LAMA1: variants seen among roughly 807,000 people sequenced by gnomAD.
The protein encoded by LAMA1 is laminin subunit alpha-1.
Under a neutral mutation model 348.7 loss-of-function variants are expected in LAMA1, and 219 were observed. That is an observed-to-expected ratio of 0.63 (90% CI 0.56 to 0.70). The LOEUF (loss-of-function observed/expected upper bound fraction) is 0.70, where lower values mean the gene tolerates loss of function less well. Ranked by LOEUF, LAMA1 falls within the 30% of genes least tolerant of loss-of-function variation. LAMA1 has a pLI of 0.00. For missense variants in LAMA1, 3,744 were observed against 3,888.0 expected, an observed-to-expected ratio of 0.96 and a Z score of 0.99; for synonymous variants, 1,487 against 1,491.0, an observed-to-expected ratio of 1.00 and a Z score of 0.06.
chr18:6,964,407 T>C (rs1004064961), intron 51 of LAMA1, among the ~76,000 whole-genome samples: 3 of 152,018 alleles, frequency 2.0e-5, no homozygotes, highest in African/African-American at 7.3e-5. Context: ...AAAGGGGAAA[T>C]GTGGACACAG....
Position 7,024,008 on chromosome 18 carries a change from GT to G in LAMA1, c.2489+371del, listed in dbSNP as rs1251903776. Among the ~76,000 whole-genome samples, 1,094 of 148,154 alleles carry G rather than the reference GT, an allele frequency of 7.4e-3. 11 individuals are homozygous for G. Among genetic ancestry groups the G allele is most frequent in the African/African-American group, 0.025 (995 of 40,496 alleles). Reference sequence around the variant, plus strand: ...CACCCGCCGTCATGCCCGGCCTTTTGTTTTTTTTTTCTTTTTGTAGAGACAG... The same window carrying G: ...CACCCGCCGTCATGCCCGGCCTTTTGTTTTTTTTTCTTTTTGTAGAGACAG... On this transcript the variant is annotated intron_variant, in intron 18 of 62. Coordinates refer to ENST00000389658, the MANE Select transcript of LAMA1 (RefSeq NM_005559.4).
intron 11 of LAMA1, 110 bp from the exon 12 acceptor site, chr18:7,037,861 T>TA: frequency 8.9e-7 from 1 of 1,120,676 alleles, no homozygotes; most frequent in African/African-American, 1.5e-5. Context: ...AAAGCTTCTC[T>TA]AGGGATGGCA....
At chr18:6,950,456 C>T (rs551310897) in intron 58 of LAMA1, among the ~76,000 whole-genome samples, 33 of 152,274 alleles carry the variant, frequency 2.2e-4, no homozygotes, top group Admixed American at 1.6e-3. Flanking sequence ...TCCAGAGTTC[C>T]GGTTATCAGA....
chr18:6,961,293 G>A (rs1022905214), intron 53 of LAMA1, among the ~76,000 whole-genome samples: 2 of 152,026 alleles, frequency 1.3e-5, no homozygotes, highest in African/African-American at 4.8e-5. Context: ...CACAACATGG[G>A]GAAGAAAACT....
chr18:7,074,240 C>G (rs1206753934), intron 3 of LAMA1, among the ~76,000 whole-genome samples: 2 of 152,182 alleles, frequency 1.3e-5, no homozygotes, highest in African/African-American at 4.8e-5. Flanking sequence ...TATTTTCCAA[C>G]TCTTTCAATA....
chr18:7,077,412 A>G (rs1211586364), intron 3 of LAMA1, among the ~76,000 whole-genome samples: 2 of 151,948 alleles, frequency 1.3e-5, no homozygotes, highest in African/African-American at 2.4e-5. Context: ...TCACTGTGTT[A>G]GCCAGGATGG....
chr18:6,985,972 A>G (rs1024513012), intron 37 of LAMA1, among the ~76,000 whole-genome samples, 165 bp downstream of exon 37: 35 of 152,176 alleles, frequency 2.3e-4, no homozygotes, highest in African/African-American at 7.5e-4. Context: ...GTTGGCCAGG[A>G]TGGTCTCGAT....
At chr18:6,948,946 C>A (rs2057534106) in intron 59 of LAMA1, among the ~76,000 whole-genome samples, 155 bp downstream of exon 59, 1 of 152,190 alleles carries the variant, frequency 6.6e-6, no homozygotes, top group Non-Finnish European at 1.5e-5. Context: ...GGCCCTGGCA[C>A]ACGATCTGTG....
intron 40 of LAMA1, 110 bp downstream of exon 40, chr18:6,982,989 C>T: frequency 7.1e-7 from 1 of 1,400,276 alleles, no homozygotes; most frequent in Admixed American, 1.7e-5. Context: ...ACAGATTCCA[C>T]CAGAAAAGAA....
At chr18:7,002,178 G>T in intron 30 of LAMA1, 86 bp downstream of exon 30, 1 of 1,542,198 alleles carries the variant, frequency 6.5e-7, no homozygotes, top group South Asian at 1.1e-5. Context: ...ATTAACAACA[G>T]ACCACTCAGA....
chr18:6,966,785 C>T (rs188744953), intron 48 of LAMA1, among the ~76,000 whole-genome samples: 1 of 152,120 alleles, frequency 6.6e-6, no homozygotes, highest in African/African-American at 2.4e-5. Context: ...TCACTGACAT[C>T]CTCAAAAATC....
At chr18:6,976,218 T>A in intron 44 of LAMA1, 138 bp from the exon 45 acceptor site, 1 of 795,320 alleles carries the variant, frequency 1.3e-6, no homozygotes. Flanking sequence ...TGGTTCATGT[T>A]TCATGAAGTG....
chr18:7,014,036 G>A lies in LAMA1; in HGVS notation c.3142C>T (p.Leu1048Phe). Residue 1048 changes from leucine (L) to phenylalanine (F), a missense_variant, in exon 23 of 63, where the codon CTC becomes TTC. By Grantham distance (22) the Leu-to-Phe change is conservative. Transcript: ENST00000389658. The part of the protein sequence containing the change: ...EVGCQACNCS[L>F]VGSTHHRCDV... ...CACCGATGATGAGTCGACCCCACGAGACTGCAATTGCAGGCCTGAGAGAAG... is the reference window on the plus strand; with the variant it reads ...CACCGATGATGAGTCGACCCCACGAAACTGCAATTGCAGGCCTGAGAGAAG... The A allele has an allele frequency of 2.5e-6, 4 of 1,613,852 alleles. No homozygotes were observed. The highest frequency in any genetic ancestry group is 3.4e-6 in the Non-Finnish European group (4 of 1,179,896).
Position 7,059,642 on chromosome 18 carries a change from C to T in LAMA1, c.346-8706G>A, listed in dbSNP as rs142324736. 1.5e-3 allele frequency among the ~76,000 whole-genome samples: 223 copies of T among 152,264 alleles called. 2 individuals are homozygous for T. Among genetic ancestry groups the T allele is most frequent in the African/African-American group, 5.0e-3 (208 of 41,558 alleles). On this transcript the variant is annotated intron_variant, in intron 3 of 62. Coordinates refer to ENST00000389658, the MANE Select transcript of LAMA1 (RefSeq NM_005559.4). ...TTCCCATGTGCAGACAGAAGTGAAG[C>T]CTCTCCTCTCCACAGAAAGTGCAGC...
chr18:6,961,513 C>T, intron 53 of LAMA1, 73 bp downstream of exon 53: 1 of 1,540,496 alleles, frequency 6.5e-7, no homozygotes, highest in Non-Finnish European at 8.9e-7. Context: ...GTTTATGAGT[C>T]AGTCATTTTC....
intron 1 of LAMA1, among the ~76,000 whole-genome samples, chr18:7,106,993 A>AC: frequency 6.6e-6 from 1 of 151,976 alleles, no homozygotes; most frequent in South Asian, 2.1e-4. Flanking sequence ...GCTTTCCTCG[A>AC]CCCATGACCT....
chr18:6,945,615 C>A (rs183529318), intron 61 of LAMA1, among the ~76,000 whole-genome samples: 119 of 152,210 alleles, frequency 7.8e-4, no homozygotes, highest in African/African-American at 2.6e-3. Flanking sequence ...GAGAGAGGAC[C>A]AGAGAGACAC....
intron 33 of LAMA1, among the ~76,000 whole-genome samples, chr18:6,996,095 C>A (rs1048699194): frequency 1.3e-5 from 2 of 151,772 alleles, no homozygotes; most frequent in Admixed American, 6.6e-5. Context: ...TTATACTGAT[C>A]GTGTATATAG....
chr18:7,072,051 A>G (rs1230809218), intron 3 of LAMA1, among the ~76,000 whole-genome samples: 3 of 151,718 alleles, frequency 2.0e-5, no homozygotes, highest in Non-Finnish European at 4.4e-5. Context: ...CGAAGAGATG[A>G]TGTGTTTCTG....
Sources: allele counts gnomAD v4.1 joint callset (sites outside exome capture counted in the v4.1 genomes callset), GRCh38; gene constraint gnomAD v4.1.1; transcripts MANE v1.5; gene names NCBI Gene and HGNC (gene_info 2026-07-23, HGNC 2026-07-21).